Variants in EIF4E3 observed in about 807,000 individuals in gnomAD.
The protein encoded by EIF4E3 is eukaryotic translation initiation factor 4E family member 3, also known as eukaryotic translation initiation factor 4E type 3.
In EIF4E3, 26 loss-of-function variants were observed where a neutral mutation model predicts 31.7. That is an observed-to-expected ratio of 0.82 (90% CI 0.60 to 1.14). The LOEUF (loss-of-function observed/expected upper bound fraction) is 1.14, where lower values mean the gene tolerates loss of function less well. EIF4E3 is among the 50% of genes most tolerant of loss of function. EIF4E3 has a pLI of 0.00. For synonymous variants in EIF4E3, 128 were observed against 107.7 expected (o/e 1.19, Z -1.17); for missense variants, 304 against 270.9 (o/e 1.12, Z -0.86).
chr3:71,722,915 G>T (rs2049573472), intron 1 of EIF4E3, among the ~76,000 whole-genome samples: 1 of 152,196 alleles, frequency 6.6e-6, no homozygotes, highest in African/African-American at 2.4e-5. Flanking sequence ...CCTCAGAACT[G>T]CCCTGTGAGA....
chr3:71,730,590 A>C (rs917425980), intron 1 of EIF4E3, among the ~76,000 whole-genome samples: 3 of 152,224 alleles, frequency 2.0e-5, no homozygotes, highest in Admixed American at 6.5e-5. Context: ...CCATGTGGTC[A>C]TTGAGCCTGG....
chr3:71,725,507 GC>G (rs1401980834), upstream of EIF4E3: 3 of 392,504 alleles, frequency 7.6e-6, no homozygotes, highest in African/African-American at 6.6e-5. This position sits in a 1 kb window ranked among gnomAD's most constrained non-coding sequence, Gnocchi z 6.1. Context: ...GCCGCCCGCC[GC>G]CCGCCGCCTT....
chr3:71,702,328 T>G (rs576845833), intron 2 of EIF4E3, among the ~76,000 whole-genome samples: 1 of 152,240 alleles, frequency 6.6e-6, no homozygotes, highest in East Asian at 1.9e-4. Context: ...CTGCCTAAGG[T>G]AAAACTAAGA....
chr3:71,730,110 A>G (rs2049689565), upstream of EIF4E3, among the ~76,000 whole-genome samples: 1 of 152,210 alleles, frequency 6.6e-6, no homozygotes, highest in Admixed American at 6.5e-5. Context: ...AGCTTCCAGC[A>G]AAGGTGTGTT....
At position 71,677,946 on chromosome 3, in the gene EIF4E3, C is replaced by A. The variant is rs1016231699; in HGVS notation, c.*6736G>T. 6.6e-6 allele frequency: 1 copy of A among 152,034 alleles called. No individual in the cohort carries two copies. 9.4% of individuals were successfully genotyped at this position (152,034 alleles called of 1,614,324 possible). A position where few individuals can be genotyped will look rare whatever the true frequency, so the allele number is the denominator to read the frequency against. ...GGTAAAGAAAAAGAATTAAAATAAG[C>A]AAGATACGTTTTCTAAGAGACCCAG... On this transcript the variant is annotated 3_prime_UTR_variant, in exon 7 of 7. Transcript: ENST00000425534.
intron 1 of EIF4E3, among the ~76,000 whole-genome samples, chr3:71,714,240 G>GGAAAGGAAGGAAGGAA (rs1204119409): frequency 9.7e-6 from 1 of 102,622 alleles, no homozygotes; most frequent in African/African-American, 3.9e-5. Flanking sequence ...AAGGGAAGAA[G>GGAAAGGAAGGAAGGAA]GAAAGGAAGG....
intron 6 of EIF4E3, among the ~76,000 whole-genome samples, chr3:71,687,881 T>C (rs2049014681): frequency 6.6e-6 from 1 of 152,244 alleles, no homozygotes; most frequent in South Asian, 2.1e-4. Context: ...ATTGGCCATT[T>C]CTAACTTAGC....
chr3:71,717,802 G>A (rs544315033), intron 1 of EIF4E3, among the ~76,000 whole-genome samples: 13 of 152,302 alleles, frequency 8.5e-5, no homozygotes, highest in African/African-American at 3.1e-4. Context: ...TCTGTAAAAT[G>A]TTGCTGATAT....
chr3:71,684,765 A>G (rs757072702), intron 6 of EIF4E3, 37 bp from the exon 7 acceptor site: 6 of 1,609,406 alleles, frequency 3.7e-6, no homozygotes, highest in Non-Finnish European at 5.1e-6. Flanking sequence ...GAAAAAAAGG[A>G]AAGAAAACTT....
the EIF4E3 span, among the ~76,000 whole-genome samples, chr3:71,666,559 A>G: frequency 1.3e-5 from 2 of 152,162 alleles, no homozygotes; most frequent in African/African-American, 4.8e-5. Context: ...ATTCCAAACA[A>G]TAGAAAAAAA....
intron 5 of EIF4E3, among the ~76,000 whole-genome samples, chr3:71,692,049 T>C (rs1249605805): frequency 6.6e-6 from 1 of 152,236 alleles, no homozygotes; most frequent in Admixed American, 6.5e-5. Flanking sequence ...TCAGTTTGGT[T>C]TGGCTCTTGG....
At chr3:71,698,390 TCTC>T (rs1237069442) in intron 3 of EIF4E3, among the ~76,000 whole-genome samples, 1 of 152,148 alleles carries the variant, frequency 6.6e-6, no homozygotes. Context: ...CTCATGTGAT[TCTC>T]CTATCAACCA....
At chr3:71,752,336 T>A (rs1402330277) in intron 1 of EIF4E3, among the ~76,000 whole-genome samples, 1 of 152,144 alleles carries the variant, frequency 6.6e-6, no homozygotes, top group African/African-American at 2.4e-5. Context: ...TCATCCCTCC[T>A]CAACACTGCT....
chr3:71,754,007 G>T, upstream of EIF4E3: 2 of 1,087,780 alleles, frequency 1.8e-6, no homozygotes, highest in South Asian at 8.5e-5. The surrounding 1 kb of genome is among the most constrained non-coding windows in gnomAD (Gnocchi z 5.8). Context: ...CGGCGAGGCA[G>T]GGGACGGCCC....
At chr3:71,735,241 T>A (rs73837583) in intron 1 of EIF4E3, among the ~76,000 whole-genome samples, 155 of 152,342 alleles carry the variant, frequency 1.0e-3, no homozygotes, top group African/African-American at 3.7e-3. Context: ...TCCTTTATTT[T>A]ACATAGGAGT....
chr3:71,673,030 T>C (rs535201150), downstream of EIF4E3, among the ~76,000 whole-genome samples: 1 of 152,308 alleles, frequency 6.6e-6, no homozygotes, highest in East Asian at 1.9e-4. Flanking sequence ...CACGTGCTTC[T>C]GGAATGAATA....
At chr3:71,723,168 C>A (rs974234604) in intron 1 of EIF4E3, among the ~76,000 whole-genome samples, 15 of 152,118 alleles carry the variant, frequency 9.9e-5, no homozygotes, top group African/African-American at 3.6e-4. Context: ...GAGAACCTCA[C>A]CAGTCTCTAG....
the EIF4E3 span, among the ~76,000 whole-genome samples, chr3:71,669,943 A>G: frequency 0.017 from 2,626 of 152,322 alleles, 70 homozygotes; most frequent in African/African-American, 0.061. Flanking sequence ...CTACATAAAC[A>G]CAAGAGGCAT....
upstream of EIF4E3, chr3:71,754,612 T>G: frequency 6.9e-7 from 1 of 1,451,618 alleles, no homozygotes; most frequent in Non-Finnish European, 9.1e-7. The surrounding 1 kb of genome is among the most constrained non-coding windows in gnomAD (Gnocchi z 5.8). Flanking sequence ...GGCTTCCTGC[T>G]GCTGCTGGCC....
Sources: gnomAD v4.1 joint callset for allele counts (sites outside exome capture counted in the v4.1 genomes callset) on GRCh38, gnomAD v4.1.1 for gene constraint, Gnocchi (gnomAD v3.1) non-coding constraint, MANE v1.5 for transcripts, NCBI Gene and HGNC (gene_info 2026-07-23, HGNC 2026-07-21) for gene names.